NAV2: variants seen among roughly 807,000 people sequenced by gnomAD.
The protein encoded by NAV2 is neuron navigator 2, also known as helicase, APC down-regulated 1.
A neutral mutation model predicts 223.2 loss-of-function variants in NAV2; 54 were observed. That is an observed-to-expected ratio of 0.24 (90% CI 0.19 to 0.30). NAV2 has a LOEUF of 0.30. Among genes scored for constraint, NAV2 ranks in the 10% least tolerant of loss-of-function variants. The pLI, the probability that NAV2 is intolerant of heterozygous loss-of-function variation, is 1.00. For missense variants in NAV2, 2,806 were observed against 3,147.5 expected (o/e 0.89, Z 2.60); for synonymous variants, 1,279 against 1,239.3 (o/e 1.03, Z -0.67).
intron 12 of NAV2, among the ~76,000 whole-genome samples, chr11:20,041,428 TAG>T (rs1172997595): frequency 6.6e-6 from 1 of 152,232 alleles, no homozygotes; most frequent in Non-Finnish European, 1.5e-5. Context: ...CACTTTAGCT[TAG>T]TGCCTGGGAC....
chr11:19,774,999 TA>T (rs1224953958), intron 1 of NAV2, among the ~76,000 whole-genome samples: 1 of 152,198 alleles, frequency 6.6e-6, no homozygotes, highest in Non-Finnish European at 1.5e-5. Flanking sequence ...AGAAAATGTA[TA>T]AATCCCTGAT....
At chr11:19,990,399 C>T (rs73434138) in intron 11 of NAV2, among the ~76,000 whole-genome samples, 8,422 of 152,248 alleles carry the variant, frequency 0.055, 720 homozygotes, top group African/African-American at 0.19. Flanking sequence ...CTCTCCTGGT[C>T]TTGGCTAACC....
In NAV2 at chr11:19,823,034, T is replaced by C. The variant is rs192702284; in HGVS notation, c.268-9450T>C. The stretch of plus-strand genomic sequence containing the variant: ...TCCAGCATGGCTCTTGCTTAAACAG[T>C]ATGTGCTCTTACTTTATACAGAGTT... On this transcript the variant is annotated intron_variant, in intron 1 of 37. Transcript: ENST00000349880. Among the ~76,000 whole-genome samples the C allele has an allele frequency of 3.5e-3, 537 of 152,276 alleles. 3 individuals carry two copies. Among genetic ancestry groups the C allele is most frequent in the Non-Finnish European group, 4.5e-3 (305 of 68,024 alleles).
intron 2 of NAV2, 71 bp from the exon 3 acceptor site, chr11:19,842,800 G>A: frequency 2.0e-6 from 3 of 1,487,864 alleles, no homozygotes; most frequent in Non-Finnish European, 1.9e-6. Flanking sequence ...GTTGCCTCAA[G>A]TGTCCTGAAC....
intron 22 of NAV2, among the ~76,000 whole-genome samples, chr11:20,073,400 T>A (rs1399109140): frequency 2.0e-5 from 3 of 152,194 alleles, no homozygotes; most frequent in Non-Finnish European, 4.4e-5. Flanking sequence ...AATTTTCTTT[T>A]TTTGTTTTGT....
At chr11:20,041,015 T>C (rs1013708650) in intron 12 of NAV2, among the ~76,000 whole-genome samples, 2 of 152,148 alleles carry the variant, frequency 1.3e-5, no homozygotes, top group Non-Finnish European at 2.9e-5. Flanking sequence ...TCAAGCCACA[T>C]TCCCAGGCCA....
intron 11 of NAV2, among the ~76,000 whole-genome samples, chr11:20,001,048 C>T (rs2052491147): frequency 6.6e-6 from 1 of 152,164 alleles, no homozygotes; most frequent in Middle Eastern, 3.2e-3. Flanking sequence ...TCAGAGATGA[C>T]CCTCCAGCCT....
chr11:19,570,571 A>G (rs192723862), intron 1 of NAV2, among the ~76,000 whole-genome samples: 1 of 152,330 alleles, frequency 6.6e-6, no homozygotes, highest in Admixed American at 6.5e-5. Flanking sequence ...TCAAAAGCTC[A>G]ATGTTAAAAA....
rs114563247 is a variant in NAV2, at chr11:19,437,123, G to A, written c.75+86096G>A. Among the ~76,000 whole-genome samples the A allele has an allele frequency of 2.8e-3, 419 of 152,204 alleles. 3 individuals are homozygous for A. Among genetic ancestry groups the A allele is most frequent in the African/African-American group, 9.6e-3 (397 of 41,548 alleles). On this transcript the variant is annotated intron_variant, in intron 1 of 37. Coordinates refer to the NAV2 transcript ENST00000360655. ...TAGGCAAGACTGTGAAAGCAGCAGT[G>A]CATTTCTAGATAATGTGATCTATCA...
At chr11:19,669,625 C>A (rs964771500) in intron 1 of NAV2, among the ~76,000 whole-genome samples, 6 of 152,208 alleles carry the variant, frequency 3.9e-5, no homozygotes, top group Non-Finnish European at 8.8e-5. Flanking sequence ...CTCCTTCCAC[C>A]GCCAGTGAGA....
At chr11:19,499,801 T>C (rs951826688) in intron 1 of NAV2, among the ~76,000 whole-genome samples, 4 of 152,198 alleles carry the variant, frequency 2.6e-5, no homozygotes, top group African/African-American at 7.2e-5. Flanking sequence ...TAGGCACTCA[T>C]CTCAGACACT....
At chr11:19,900,293 AAGT>A (rs1396263934) in intron 6 of NAV2, among the ~76,000 whole-genome samples, 6 of 58,686 alleles carry the variant, frequency 1.0e-4, no homozygotes, top group Non-Finnish European at 2.7e-4. Flanking sequence ...AGTTGTATCA[AAGT>A]CTCGGGGCCA....
At chr11:19,654,142 T>C (rs1348153271) in intron 1 of NAV2, among the ~76,000 whole-genome samples, 1 of 152,164 alleles carries the variant, frequency 6.6e-6, no homozygotes, top group African/African-American at 2.4e-5. Flanking sequence ...CCATTCACAA[T>C]TGCTTCAAAG....
intron 1 of NAV2, among the ~76,000 whole-genome samples, chr11:19,549,504 AG>A (rs1269370862): frequency 1.3e-5 from 2 of 152,230 alleles, no homozygotes; most frequent in African/African-American, 2.4e-5. Flanking sequence ...GGAAGGAGAT[AG>A]TAGATGCCCC....
intron 1 of NAV2, among the ~76,000 whole-genome samples, chr11:19,682,185 G>A (rs749669199): frequency 5.9e-5 from 9 of 152,166 alleles, no homozygotes; most frequent in Non-Finnish European, 8.8e-5. Flanking sequence ...GTAGATTGAG[G>A]AGTGGGAATC....
intron 22 of NAV2, among the ~76,000 whole-genome samples, chr11:20,069,815 A>G (rs2059286529): frequency 6.6e-6 from 1 of 152,140 alleles, no homozygotes; most frequent in Non-Finnish European, 1.5e-5. Flanking sequence ...CACATCAGTC[A>G]TTCGCCCGGA....
At chr11:19,711,187 C>T (rs1482931638), upstream of NAV2, 1 of 152,126 alleles carries the variant, frequency 6.6e-6, no homozygotes, top group Non-Finnish European at 1.5e-5. Flanking sequence ...TAAGAAGGTG[C>T]CTTCTCATTT....
At chr11:19,581,294 C>T (rs1031739753) in intron 1 of NAV2, among the ~76,000 whole-genome samples, 3 of 152,136 alleles carry the variant, frequency 2.0e-5, no homozygotes, top group Admixed American at 6.5e-5. Flanking sequence ...TCCTCTTTAA[C>T]GATTAGCACT....
In NAV2 at chr11:20,117,873, C is replaced by T. The variant is rs116990960; in HGVS notation, c.7165-260C>T. Reference sequence around the variant, plus strand: ...CACCCATAACATTATAGGGCAGGTACTATTATTATTCACATTTGACCAGTA... The same window carrying T: ...CACCCATAACATTATAGGGCAGGTATTATTATTATTCACATTTGACCAGTA... On this transcript the variant is annotated intron_variant, in intron 37 of 37. Coordinates refer to ENST00000349880, the MANE Select transcript of NAV2 (RefSeq NM_145117.5). 7.0e-3 allele frequency among the ~76,000 whole-genome samples: 1,067 copies of T among 152,292 alleles called. 4 individuals carry two copies. Among genetic ancestry groups the T allele is most frequent in the Non-Finnish European group, 0.012 (794 of 68,014 alleles).
Sources: gnomAD v4.1 joint callset for allele counts (sites outside exome capture counted in the v4.1 genomes callset) on GRCh38, gnomAD v4.1.1 for gene constraint, MANE v1.5 for transcripts, NCBI Gene and HGNC (gene_info 2026-07-23, HGNC 2026-07-21) for gene names.